Variants in AJAP1 observed in about 807,000 individuals in gnomAD.
The protein encoded by AJAP1 is adherens junction-associated protein 1.
AJAP1 carries 5 observed loss-of-function variants against 35.0 expected under a neutral mutation model. The observed-to-expected ratio is 0.14, with a 90% CI of 0.07 to 0.30. AJAP1 has a LOEUF of 0.30. AJAP1 is among the 10% of genes least tolerant of loss of function. AJAP1 has a pLI of 1.00. For synonymous variants in AJAP1, 284 were observed against 249.3 expected (o/e 1.14, Z -1.31); for missense variants, 586 against 571.0 (o/e 1.03, Z -0.27).
chr1:4,755,506 C>A (rs1308614079), intron 2 of AJAP1, among the ~76,000 whole-genome samples: 1 of 152,060 alleles, frequency 6.6e-6, no homozygotes, highest in Admixed American at 6.5e-5. Context: ...TGCAAGCTTC[C>A]GGCCTTGCTC....
At chr1:4,769,965 C>G in intron 3 of AJAP1, 25 bp downstream of exon 3, 1 of 1,588,866 alleles carries the variant, frequency 6.3e-7, no homozygotes, top group Non-Finnish European at 8.6e-7. Flanking sequence ...GCCCTTCTGG[C>G]CCAGAAATGG....
chr1:4,770,846 A>C (rs1439327261), intron 3 of AJAP1, among the ~76,000 whole-genome samples: 3 of 151,702 alleles, frequency 2.0e-5, no homozygotes, highest in African/African-American at 7.3e-5. Context: ...CCCACAACAG[A>C]CCTCCCACTC....
chr1:4,688,287 G>C (rs936859608), intron 1 of AJAP1, among the ~76,000 whole-genome samples: 7 of 152,192 alleles, frequency 4.6e-5, no homozygotes, highest in Non-Finnish European at 1.0e-4. Flanking sequence ...CACGGGGCTG[G>C]TGTCATCCAA....
chr1:4,675,577 A>G (rs1639344972), intron 1 of AJAP1, among the ~76,000 whole-genome samples: 1 of 152,194 alleles, frequency 6.6e-6, no homozygotes. Context: ...TGGAGCAGAT[A>G]CCATCTGACC....
intron 5 of AJAP1, chr1:4,777,683 A>G (rs1342501797): frequency 6.6e-6 from 1 of 152,248 alleles, no homozygotes; most frequent in African/African-American, 2.4e-5. Flanking sequence ...TTCGTTCTGA[A>G]CGGAGCCTGC....
chr1:4,690,466 A>C (rs1439417055), intron 1 of AJAP1, among the ~76,000 whole-genome samples: 1 of 152,204 alleles, frequency 6.6e-6, no homozygotes, highest in Non-Finnish European at 1.5e-5. Context: ...AGGAGCTGTC[A>C]CCAGGGGCGC....
intron 1 of AJAP1, among the ~76,000 whole-genome samples, chr1:4,675,911 G>C (rs919070719): frequency 2.6e-5 from 4 of 152,248 alleles, no homozygotes; most frequent in African/African-American, 9.6e-5. Context: ...AGACATTCTG[G>C]AGGGTACGGT....
chr1:4,753,299 C>T (rs1479579826), intron 2 of AJAP1, among the ~76,000 whole-genome samples: 1 of 152,054 alleles, frequency 6.6e-6, no homozygotes, highest in East Asian at 1.9e-4. Flanking sequence ...CAAGAGAACA[C>T]CTTGAGGCTT....
Position 4,655,808 on chromosome 1 carries a change from G to A in AJAP1, c.29+354G>A, listed in dbSNP as rs1638867337. Among the ~76,000 whole-genome samples the A allele has an allele frequency of 6.7e-6, 1 of 148,684 alleles. No individual in the cohort carries two copies. Among genetic ancestry groups the A allele is most frequent in the Admixed American group, 6.7e-5 (1 of 14,990 alleles). ...GCGCCTCCTCCCCGGGGCCCGGGGCGAGGCGCCGGCCGCTGGGCGCGGCGG... is the reference window on the plus strand; with the variant it reads ...GCGCCTCCTCCCCGGGGCCCGGGGCAAGGCGCCGGCCGCTGGGCGCGGCGG... On this transcript the variant is annotated intron_variant, in intron 1 of 5. Coordinates refer to ENST00000378191, the MANE Select transcript of AJAP1 (RefSeq NM_018836.4). The surrounding 1 kb of genome is among the most constrained non-coding windows in gnomAD (Gnocchi z 6.9).
At position 4,714,516 on chromosome 1, in the gene AJAP1, T is replaced by A. The variant is rs928922940; in HGVS notation, c.829+1817T>A. Reference sequence around the variant, plus strand: ...TCCCATTTATTCCAAATTACATTTGTTATTACTAAAGTTAAACACCCGGGA... The same window carrying A: ...TCCCATTTATTCCAAATTACATTTGATATTACTAAAGTTAAACACCCGGGA... On this transcript the variant is annotated intron_variant, in intron 2 of 5. Coordinates refer to ENST00000378191, the MANE Select transcript of AJAP1 (RefSeq NM_018836.4). Among the ~76,000 whole-genome samples, 4 of 152,316 alleles carry A rather than the reference T, an allele frequency of 2.6e-5. No homozygotes were observed. The South Asian group carries it at 6.2e-4, about 24-fold the overall frequency.
chr1:4,746,551 T>A lies in AJAP1; in HGVS notation c.830-23302T>A, dbSNP rs147791829. ...AAGGCTCCCAACACATGGTAACCCCTTATCAGCATCTGTGCAGGGACCACA... is the reference window on the plus strand; with the variant it reads ...AAGGCTCCCAACACATGGTAACCCCATATCAGCATCTGTGCAGGGACCACA... On this transcript the variant is annotated intron_variant, in intron 2 of 5. Transcript: ENST00000378191. 3.7e-3 allele frequency among the ~76,000 whole-genome samples: 566 copies of A among 152,270 alleles called. 4 individuals carry two copies. The highest frequency in any genetic ancestry group is 0.013 in the African/African-American group (539 of 41,566).
intron 2 of AJAP1, among the ~76,000 whole-genome samples, chr1:4,715,103 C>G (rs1317704461): frequency 1.3e-5 from 2 of 152,176 alleles, no homozygotes; most frequent in African/African-American, 4.8e-5. Flanking sequence ...GGACAGAGGG[C>G]TGAACTCCCT....
At chr1:4,662,184 G>A (rs1353727339) in intron 1 of AJAP1, among the ~76,000 whole-genome samples, 1 of 152,086 alleles carries the variant, frequency 6.6e-6, no homozygotes, top group African/African-American at 2.4e-5. Flanking sequence ...CTATTGCCAT[G>A]GTCCAGTTTC....
intron 2 of AJAP1, among the ~76,000 whole-genome samples, chr1:4,762,549 G>T (rs1165165309): frequency 6.6e-6 from 1 of 152,214 alleles, no homozygotes; most frequent in Admixed American, 6.5e-5. Flanking sequence ...CATCATTGCT[G>T]GGATGAGACA....
Position 4,733,840 on chromosome 1 carries a change from C to T in AJAP1, c.829+21141C>T, listed in dbSNP as rs575361334. On this transcript the variant is annotated intron_variant, in intron 2 of 5. Coordinates refer to ENST00000378191, the MANE Select transcript of AJAP1 (RefSeq NM_018836.4). ...GCATTGTGAGCTGCCCACACGCCGTCGTCTGTGTCAGAGCCAGAAATAGAA... is the reference window on the plus strand; with the variant it reads ...GCATTGTGAGCTGCCCACACGCCGTTGTCTGTGTCAGAGCCAGAAATAGAA... Among the ~76,000 whole-genome samples, 6 of 152,152 alleles carry T rather than the reference C, an allele frequency of 3.9e-5. No individual in the cohort carries two copies. The South Asian group carries it at 8.3e-4, about 21-fold the overall frequency.
intron 5 of AJAP1, among the ~76,000 whole-genome samples, chr1:4,775,599 A>C (rs1326303823): frequency 6.6e-6 from 1 of 152,244 alleles, no homozygotes; most frequent in Non-Finnish European, 1.5e-5. Flanking sequence ...AGCTGCAGTC[A>C]GAGAGGGGAG....
intron 1 of AJAP1, among the ~76,000 whole-genome samples, chr1:4,686,559 C>T (rs1342635000): frequency 1.3e-5 from 2 of 152,192 alleles, no homozygotes; most frequent in Non-Finnish European, 2.9e-5. Flanking sequence ...ATGGATAATA[C>T]ACTAATTCTG....
At chr1:4,722,099 T>A (rs1014702184) in intron 2 of AJAP1, among the ~76,000 whole-genome samples, 1 of 152,196 alleles carries the variant, frequency 6.6e-6, no homozygotes, top group African/African-American at 2.4e-5. Flanking sequence ...CAGGTGACTT[T>A]CCAAAATGGT....
At chr1:4,777,435 A>T (rs1159211900) in intron 5 of AJAP1, 1 of 152,200 alleles carries the variant, frequency 6.6e-6, no homozygotes. Flanking sequence ...TCCTGGGCAG[A>T]TGTGCACCCC....
Sources: gnomAD v4.1 joint callset for allele counts (sites outside exome capture counted in the v4.1 genomes callset) on GRCh38, gnomAD v4.1.1 for gene constraint, Gnocchi (gnomAD v3.1) non-coding constraint, MANE v1.5 for transcripts, NCBI Gene and HGNC (gene_info 2026-07-23, HGNC 2026-07-21) for gene names.